The following CERKL variants were observed in gnomAD, a reference collection of about 807,000 sequenced individuals.
CERKL encodes ceramide kinase-like protein.
A neutral mutation model predicts 63.4 loss-of-function variants in CERKL; 61 were observed. The ratio of observed to expected loss-of-function variants is 0.96; its 90% CI spans 0.78 to 1.19. The LOEUF (loss-of-function observed/expected upper bound fraction) is 1.19, where lower values mean the gene tolerates loss of function less well. Among genes scored for constraint, CERKL ranks in the 50% most tolerant of loss-of-function variants. The pLI is 0.00. For missense variants in CERKL, 675 were observed against 655.5 expected (o/e 1.03, Z -0.33); for synonymous variants, 250 against 230.5 (o/e 1.08, Z -0.77).
chr2:181,540,399 C>T (rs956553943), intron 11 of CERKL, among the ~76,000 whole-genome samples: 6 of 152,172 alleles, frequency 3.9e-5, no homozygotes, highest in Non-Finnish European at 8.8e-5. Context: ...CCTCCACCAC[C>T]CCAACTATGT....
rs1687952430 is a variant in CERKL, at chr2:181,550,808, A to G, written c.821-1100T>C. ...ATAATTTTTTAGGTAACTAAGAATA[A>G]GCATATTTAATTATTATTAATTATA... is the stretch of plus-strand genomic sequence containing the variant. On this transcript the variant is annotated intron_variant, in intron 5 of 12. Transcript: ENST00000410087. The surrounding 1 kb of genome is among the most constrained non-coding windows in gnomAD (Gnocchi z 4.5). Among the ~76,000 whole-genome samples the G allele has an allele frequency of 6.6e-6, 1 of 152,182 alleles. No homozygotes were observed. Among genetic ancestry groups the G allele is most frequent in the Non-Finnish European group, 1.5e-5 (1 of 68,026 alleles).
intron 2 of CERKL, among the ~76,000 whole-genome samples, chr2:181,595,132 GA>G (rs1685145574): frequency 6.6e-6 from 1 of 152,050 alleles, no homozygotes; most frequent in Non-Finnish European, 1.5e-5. Flanking sequence ...TAGATTTACA[GA>G]ATTTGTGTTT....
chr2:181,585,986 G>T (rs1684748006), intron 2 of CERKL, among the ~76,000 whole-genome samples: 1 of 152,152 alleles, frequency 6.6e-6, no homozygotes, highest in African/African-American at 2.4e-5. Context: ...ATGCAAAAAA[G>T]CAGGTGGCCC....
At chr2:181,585,193 A>G (rs1178810825) in intron 2 of CERKL, among the ~76,000 whole-genome samples, 5 of 151,888 alleles carry the variant, frequency 3.3e-5, no homozygotes, top group Non-Finnish European at 7.4e-5. Context: ...TTCCCCCTCT[A>G]CCACTAGGAT....
intron 2 of CERKL, among the ~76,000 whole-genome samples, chr2:181,591,682 A>G: frequency 6.6e-6 from 1 of 152,194 alleles, no homozygotes; most frequent in African/African-American, 2.4e-5. Context: ...TTAATATGGA[A>G]GAAAGGATAC....
At chr2:181,606,293 G>C (rs1685680650) in intron 1 of CERKL, among the ~76,000 whole-genome samples, 1 of 95,170 alleles carries the variant, frequency 1.1e-5, no homozygotes, top group African/African-American at 4.3e-5. Context: ...CAGGGAGGGA[G>C]GGGGAGGGGG....
intron 1 of CERKL, among the ~76,000 whole-genome samples, chr2:181,614,007 A>C (rs1381747023): frequency 6.6e-6 from 1 of 152,230 alleles, no homozygotes; most frequent in African/African-American, 2.4e-5. Context: ...TTTTATTTAA[A>C]GTCTTGAGCC....
chr2:181,624,372 T>TAA, intron 1 of CERKL, among the ~76,000 whole-genome samples: 1 of 141,924 alleles, frequency 7.0e-6, no homozygotes, highest in African/African-American at 2.5e-5. Context: ...TAGTAAAAGT[T>TAA]AAAAAAAAAA....
At chr2:181,643,089 C>G (rs1440766381) in intron 1 of CERKL, among the ~76,000 whole-genome samples, 1 of 152,086 alleles carries the variant, frequency 6.6e-6, no homozygotes, top group Non-Finnish European at 1.5e-5. Context: ...AATACAACAC[C>G]CCTCCACACA....
At chr2:181,634,878 T>C (rs577514164) in intron 1 of CERKL, among the ~76,000 whole-genome samples, 1 of 152,152 alleles carries the variant, frequency 6.6e-6, no homozygotes, top group Non-Finnish European at 1.5e-5. Flanking sequence ...TCACCTTCAA[T>C]AGCAGAAGGC....
At chr2:181,640,451 A>T (rs1687371092) in intron 1 of CERKL, among the ~76,000 whole-genome samples, 1 of 152,214 alleles carries the variant, frequency 6.6e-6, no homozygotes, top group Non-Finnish European at 1.5e-5. Context: ...TAGGATTTTA[A>T]TGATGCTTGT....
chr2:181,613,286 G>GTGAA (rs1686053670), intron 1 of CERKL, among the ~76,000 whole-genome samples: 1 of 152,170 alleles, frequency 6.6e-6, no homozygotes, highest in Non-Finnish European at 1.5e-5. Context: ...AAAACAGTAG[G>GTGAA]TGAACCACAG....
Position 181,611,703 on chromosome 2 carries a change from G to A in CERKL, c.239-7624C>T, listed in dbSNP as rs150852678. Among the ~76,000 whole-genome samples the A allele has an allele frequency of 1.6e-3, 240 of 152,104 alleles. 2 individuals are homozygous for A. The highest frequency in any genetic ancestry group is 0.014 in the Middle Eastern group (4 of 294). On this transcript the variant is annotated intron_variant, in intron 1 of 12. Transcript: ENST00000410087. ...CTGTCTCAAAAGTAAATAAAATGCC[G>A]GGCTGACTAGAAAGATGTTCAAAAT...
At chr2:181,578,115 T>C (rs545918423) in intron 2 of CERKL, among the ~76,000 whole-genome samples, 1 of 152,166 alleles carries the variant, frequency 6.6e-6, no homozygotes, top group Non-Finnish European at 1.5e-5. Flanking sequence ...ATATCTAGTT[T>C]CCTTCTTGCA....
chr2:181,656,802 G>T lies in CERKL; in HGVS notation c.205C>A (p.Arg69=), dbSNP rs1268685265. The T allele has an allele frequency of 8.8e-6, 14 of 1,595,822 alleles. No individual in the cohort carries two copies. The African/African-American group carries it at 1.6e-4, about 19-fold the overall frequency. Residue 69 remains arginine (R), a synonymous_variant, in exon 1 of 13, where the codon CGG becomes AGG. Coordinates refer to ENST00000410087, the MANE Select transcript of CERKL (RefSeq NM_201548.5). ...CGCTCGGGCTGAATGGGCCGCCACCGCAGTGCTCGCTCGCTCAGCACCACG... is the reference window on the plus strand; with the variant it reads ...CGCTCGGGCTGAATGGGCCGCCACCTCAGTGCTCGCTCGCTCAGCACCACG... ...CDVVLSERAL[R]WRPIQPERPA...
chr2:181,593,027 T>C (rs1443339191), intron 2 of CERKL, among the ~76,000 whole-genome samples: 5 of 152,138 alleles, frequency 3.3e-5, no homozygotes, highest in African/African-American at 9.7e-5. Flanking sequence ...TATACAATAA[T>C]AGTAAGAGTT....
At chr2:181,574,719 C>T (rs754773796) in intron 2 of CERKL, among the ~76,000 whole-genome samples, 10 of 152,140 alleles carry the variant, frequency 6.6e-5, no homozygotes, top group South Asian at 4.1e-4. Context: ...CAGAGGGCCA[C>T]GTTTAAAGAT....
At chr2:181,651,576 G>C (rs1403965973) in intron 1 of CERKL, among the ~76,000 whole-genome samples, 1 of 152,132 alleles carries the variant, frequency 6.6e-6, no homozygotes, top group Non-Finnish European at 1.5e-5. Context: ...AATGGGAAAA[G>C]ACCAATAACG....
At chr2:181,565,660 A>G in intron 4 of CERKL, 2 of 697,608 alleles carry the variant, frequency 2.9e-6, no homozygotes, top group Admixed American at 4.6e-5. Flanking sequence ...ATGGGTAGCT[A>G]TTAAACCTAT....
Sources: allele counts gnomAD v4.1 joint callset (sites outside exome capture counted in the v4.1 genomes callset), GRCh38; gene constraint gnomAD v4.1.1; non-coding constraint Gnocchi (gnomAD v3.1); transcripts MANE v1.5; gene names NCBI Gene and HGNC (gene_info 2026-07-23, HGNC 2026-07-21).